The following ANO3 variants were observed in gnomAD, a reference collection of about 807,000 sequenced individuals.
ANO3 encodes anoctamin 3, also known as anoctamin-3.
A neutral mutation model predicts 144.8 loss-of-function variants in ANO3; 99 were observed. The observed-to-expected ratio is 0.68, with a 90% CI of 0.58 to 0.81. ANO3 has a LOEUF of 0.81. Among genes scored for constraint, ANO3 ranks in the 30% least tolerant of loss-of-function variants. The pLI is 0.00. For missense variants in ANO3, 905 were observed against 1,202.2 expected, an observed-to-expected ratio of 0.75 and a Z score of 3.66; for synonymous variants, 414 against 392.6, an observed-to-expected ratio of 1.05 and a Z score of -0.64.
At chr11:26,283,521 G>A (rs34019155) in intron 1 of ANO3, among the ~76,000 whole-genome samples, 9,072 of 151,254 alleles carry the variant, frequency 0.06, 510 homozygotes, top group African/African-American at 0.15. Flanking sequence ...AGTACAACAT[G>A]AAAAGTAGTT....
chr11:26,595,481 T>TTTA (rs1851594260), intron 14 of ANO3, among the ~76,000 whole-genome samples: 1 of 148,134 alleles, frequency 6.8e-6, no homozygotes, highest in Admixed American at 6.8e-5. Context: ...TTTTTTTTTT[T>TTTA]TTTTTTATTC....
At chr11:26,346,448 A>G (rs1855497389) in intron 1 of ANO3, among the ~76,000 whole-genome samples, 1 of 152,142 alleles carries the variant, frequency 6.6e-6, no homozygotes, top group Non-Finnish European at 1.5e-5. Flanking sequence ...TACTTGTTTT[A>G]CCATCTCAAA....
At chr11:26,565,618 T>A (rs750199368) in intron 14 of ANO3, 46 of 1,612,624 alleles carry the variant, frequency 2.9e-5, no homozygotes, top group Non-Finnish European at 3.8e-5. Flanking sequence ...ATTCCGTGGC[T>A]GTTGTTGGGT....
intron 1 of ANO3, among the ~76,000 whole-genome samples, chr11:26,433,116 C>T (rs958498632): frequency 1.3e-5 from 2 of 152,090 alleles, no homozygotes; most frequent in African/African-American, 4.8e-5. Context: ...TCTTTCACCT[C>T]TCTGGTTAGC....
intron 14 of ANO3, among the ~76,000 whole-genome samples, chr11:26,596,177 C>T (rs1243453889): frequency 8.4e-6 from 1 of 118,638 alleles, no homozygotes; most frequent in East Asian, 3.7e-4. Context: ...TTCTATCTTT[C>T]TCTTTCTCTC....
chr11:26,267,960 A>T (rs764317721), intron 1 of ANO3, among the ~76,000 whole-genome samples: 29 of 152,192 alleles, frequency 1.9e-4, no homozygotes, highest in Non-Finnish European at 2.1e-4. Context: ...ATCCAAAGTA[A>T]TCTGTGAATA....
chr11:26,219,025 G>A (rs1852089945), intron 1 of ANO3, among the ~76,000 whole-genome samples: 1 of 152,276 alleles, frequency 6.6e-6, no homozygotes, highest in East Asian at 1.9e-4. Context: ...GGCAGTTTTG[G>A]TGAGATAATT....
intron 1 of ANO3, chr11:26,287,313 G>A (rs1853831427): frequency 6.6e-6 from 1 of 152,150 alleles, no homozygotes. Context: ...TGACTAACAT[G>A]TATTGAATGC....
At chr11:26,368,731 G>T (rs1446475292) in intron 1 of ANO3, among the ~76,000 whole-genome samples, 1 of 151,818 alleles carries the variant, frequency 6.6e-6, no homozygotes, top group African/African-American at 2.4e-5. Flanking sequence ...TTTAGGCCTA[G>T]AAAATTAGCT....
At chr11:26,598,567 C>A in intron 15 of ANO3, 120 bp downstream of exon 15, 2 of 684,872 alleles carry the variant, frequency 2.9e-6, no homozygotes, top group Non-Finnish European at 2.4e-6. Flanking sequence ...CTTGATCTTT[C>A]CTACTAAAAA....
At chr11:26,544,869 T>C (rs899084455) in intron 11 of ANO3, among the ~76,000 whole-genome samples, 3 of 151,964 alleles carry the variant, frequency 2.0e-5, no homozygotes, top group Non-Finnish European at 4.4e-5. Context: ...AGGAGGATTT[T>C]TTTTCTTAAA....
intron 15 of ANO3, 102 bp downstream of exon 15, chr11:26,598,549 AT>A (rs915588551): frequency 2.5e-6 from 2 of 812,354 alleles, no homozygotes; most frequent in Non-Finnish European, 3.9e-6. Flanking sequence ...CCACCATTAG[AT>A]TTTTCCCTTG....
intron 1 of ANO3, among the ~76,000 whole-genome samples, chr11:26,242,001 A>C (rs747907829): frequency 2.6e-5 from 4 of 152,236 alleles, no homozygotes; most frequent in Non-Finnish European, 5.9e-5. Context: ...CAGAGAGGAT[A>C]TAACATTTGA....
intron 11 of ANO3, 143 bp downstream of exon 11, chr11:26,542,211 T>C: frequency 1.1e-6 from 1 of 891,364 alleles, no homozygotes; most frequent in Non-Finnish European, 1.6e-6. Context: ...TAAAAGAATC[T>C]CACTGTAGGT....
chr11:26,314,260 C>A (rs1485468238), intron 1 of ANO3, among the ~76,000 whole-genome samples: 2 of 152,174 alleles, frequency 1.3e-5, no homozygotes, highest in Non-Finnish European at 2.9e-5. Flanking sequence ...CGATTATCTG[C>A]ATACAAATCT....
rs1436840880 is a variant in ANO3, at chr11:26,634,939, CGTT to C, written c.1986-71_1986-69del. 22 of 1,245,868 alleles carry C rather than the reference CGTT, an allele frequency of 1.8e-5. No individual in the cohort carries two copies. The East Asian group carries it at 4.2e-4, about 24-fold the overall frequency. 77.2% of individuals were successfully genotyped at this position (1,245,868 alleles called of 1,614,324 possible). On this transcript the variant is annotated intron_variant, in intron 19 of 26. Transcript: ENST00000256737. ...GTTTATGTCTACCCACACATGCACT[CGTT>C]GTGATGCCTAAGTAGATGTTCTTCA... is the stretch of plus-strand genomic sequence containing the variant.
chr11:26,660,640 CT>C lies in ANO3; in HGVS notation c.*198del, dbSNP rs937504157. The stretch of plus-strand genomic sequence containing the variant: ...GGGAAGAAAACAATGACTTGACGAC[CT>C]TAAAAAGGGTTAGATTGACATTGCA... On this transcript the variant is annotated 3_prime_UTR_variant, in exon 27 of 27. Coordinates refer to ENST00000256737, the MANE Select transcript of ANO3 (RefSeq NM_031418.4). 6 of 524,394 alleles carry C rather than the reference CT, an allele frequency of 1.1e-5. No individual in the cohort carries two copies. The highest frequency in any genetic ancestry group is 1.6e-5 in the Non-Finnish European group (5 of 306,008). The allele number at this position is 524,394 out of a possible 1,614,324, so 32.5% of individuals were successfully genotyped here.
At chr11:26,382,492 T>G (rs1224128293) in intron 1 of ANO3, among the ~76,000 whole-genome samples, 1 of 152,158 alleles carries the variant, frequency 6.6e-6, no homozygotes, top group Non-Finnish European at 1.5e-5. Flanking sequence ...TAAAAAGAAT[T>G]GCAGAACTTA....
chr11:26,544,273 T>TATATATATATACAC, intron 11 of ANO3, among the ~76,000 whole-genome samples: 13 of 58,560 alleles, frequency 2.2e-4, no homozygotes, highest in Non-Finnish European at 2.9e-4. Flanking sequence ...TATATATATA[T>TATATATATATACAC]ACACACATAC....
Sources: allele counts gnomAD v4.1 joint callset (sites outside exome capture counted in the v4.1 genomes callset), GRCh38; gene constraint gnomAD v4.1.1; transcripts MANE v1.5; gene names NCBI Gene and HGNC (gene_info 2026-07-23, HGNC 2026-07-21).